The following PCDHGA10 variants were observed in gnomAD, a reference collection of about 807,000 sequenced individuals.
PCDHGA10 encodes protocadherin gamma-A10.
PCDHGA10 carries 42 observed loss-of-function variants against 59.5 expected under a neutral mutation model. The observed-to-expected ratio is 0.71, with a 90% CI of 0.55 to 0.91. The LOEUF (loss-of-function observed/expected upper bound fraction) is 0.91. Ranked by LOEUF, PCDHGA10 falls within the 40% of genes least tolerant of loss-of-function variation. The pLI is 0.00. For missense variants in PCDHGA10, 1,111 were observed against 1,198.2 expected (o/e 0.93, Z 1.07); for synonymous variants, 511 against 517.2 (o/e 0.99, Z 0.16).
At chr5:141,417,001 A>G (rs1590037654) in intron 1 of PCDHGA10, 1 of 150,924 alleles carries the variant, frequency 6.6e-6, no homozygotes, top group African/African-American at 2.5e-5. Context: ...TTCATCTCAA[A>G]TAATTCTATT....
chr5:141,443,226 A>T (rs2098374954), intron 1 of PCDHGA10, among the ~76,000 whole-genome samples: 1 of 152,042 alleles, frequency 6.6e-6, no homozygotes, highest in Non-Finnish European at 1.5e-5. Flanking sequence ...CGCATCTATA[A>T]TCTTAGCACT....
At chr5:141,423,470 A>C (rs904433654) in intron 1 of PCDHGA10, 54 of 1,613,884 alleles carry the variant, frequency 3.3e-5, no homozygotes, top group Non-Finnish European at 4.3e-5. Context: ...GACGGGGTAC[A>C]GGCTTTCCTG....
Position 141,487,315 on chromosome 5 carries a change from G to C in PCDHGA10, c.2437-7492G>C, listed in dbSNP as rs568326280. On this transcript the variant is annotated intron_variant, in intron 1 of 3. Transcript: ENST00000398610. The surrounding 1 kb of genome is among the most constrained non-coding windows in gnomAD (Gnocchi z 5.0). ...GCTCATTCGTGGCACTACTCTCTAA[G>C]TGTCTTCGTGGGGCAGCCTGTGGAG... 6.2e-7 allele frequency: 1 copy of C among 1,614,166 alleles called. No individual in the cohort carries two copies. Among genetic ancestry groups the C allele is most frequent in the Admixed American group, 1.7e-5 (1 of 60,028 alleles).
intron 1 of PCDHGA10, among the ~76,000 whole-genome samples, chr5:141,452,476 C>T (rs968627914): frequency 6.6e-6 from 1 of 152,216 alleles, no homozygotes; most frequent in Admixed American, 6.5e-5. Context: ...AGGAAAAACA[C>T]ACATAAACAC....
At position 141,477,811 on chromosome 5, in the gene PCDHGA10, C is replaced by T. The variant is rs1211574518; in HGVS notation, c.2437-16996C>T. The T allele has an allele frequency of 6.2e-7, 1 of 1,614,164 alleles. No homozygotes were observed. The highest frequency in any genetic ancestry group is 8.5e-7 in the Non-Finnish European group (1 of 1,180,026). ...TCACTGATCGCAATGACAATGCCCC[C>T]CAGGTCCTATATCCTCGGCCAGGTG... is the stretch of plus-strand genomic sequence containing the variant. On this transcript the variant is annotated intron_variant, in intron 1 of 3. Transcript: ENST00000398610. The surrounding 1 kb of genome is among the most constrained non-coding windows in gnomAD (Gnocchi z 4.9).
At chr5:141,423,495 C>T in intron 1 of PCDHGA10, 1 of 1,613,946 alleles carries the variant, frequency 6.2e-7, no homozygotes, top group African/African-American at 1.3e-5. Context: ...CCTATTCCCA[C>T]GAGGTCTCTC....
At chr5:141,455,899 ATTTATTT>A (rs1441561749) in intron 1 of PCDHGA10, among the ~76,000 whole-genome samples, 5 of 148,258 alleles carry the variant, frequency 3.4e-5, no homozygotes, top group African/African-American at 1.2e-4. Context: ...TTATTTATTT[ATTTATTT>A]ATTTATTTTG....
At chr5:141,488,198 G>C (rs1007623840) in intron 1 of PCDHGA10, among the ~76,000 whole-genome samples, 1 of 152,166 alleles carries the variant, frequency 6.6e-6, no homozygotes, top group Non-Finnish European at 1.5e-5. Flanking sequence ...CTGGGTCTTA[G>C]GACTCATATC....
intron 1 of PCDHGA10, among the ~76,000 whole-genome samples, chr5:141,454,980 T>A (rs1049733405): frequency 9.3e-5 from 14 of 151,310 alleles, no homozygotes; most frequent in African/African-American, 2.4e-4. Context: ...GCTAATTTTT[T>A]AAAAAATATT....
In PCDHGA10 at chr5:141,422,020, G is replaced by T. The variant is rs374562798; in HGVS notation, c.2436+6409G>T. The T allele has an allele frequency of 1.3e-5, 21 of 1,610,932 alleles. No individual in the cohort carries two copies. The East Asian group carries it at 3.8e-4, about 29-fold the overall frequency. On this transcript the variant is annotated intron_variant, in intron 1 of 3. Transcript: ENST00000398610. ...CAGCTCCGGAACTCGGGTGCTGATG[G>T]TTAATGCAACGGATCCAGACGAGGG...
intron 1 of PCDHGA10, among the ~76,000 whole-genome samples, chr5:141,425,103 A>G (rs894147422): frequency 1.3e-5 from 2 of 152,202 alleles, no homozygotes; most frequent in Non-Finnish European, 2.9e-5. Flanking sequence ...CTTCCAACAG[A>G]TGCCTACATT....
chr5:141,433,305 C>A, intron 1 of PCDHGA10: 1 of 931,030 alleles, frequency 1.1e-6, no homozygotes, highest in Non-Finnish European at 1.6e-6. Context: ...GCAATTATCC[C>A]ACCTTTGCCT....
chr5:141,491,938 C>A lies in PCDHGA10; in HGVS notation c.2437-2869C>A, dbSNP rs1207647899. Reference sequence around the variant, plus strand: ...TGTGGGCGAGGGGAGGTGGGACCGACCCCCACCCCTACACTCAAAAAAGGC... The same window carrying A: ...TGTGGGCGAGGGGAGGTGGGACCGAACCCCACCCCTACACTCAAAAAAGGC... On this transcript the variant is annotated intron_variant, in intron 1 of 3. Transcript: ENST00000398610. This position sits in a 1 kb window ranked among gnomAD's most constrained non-coding sequence, Gnocchi z 6.9. 1.7e-6 allele frequency: 2 copies of A among 1,199,072 alleles called. No homozygotes were observed. The highest frequency in any genetic ancestry group is 3.1e-5 in the Admixed American group (1 of 32,246). The allele number at this position is 1,199,072 out of a possible 1,614,324, so 74.3% of individuals were successfully genotyped here. A position where few individuals can be genotyped will look rare whatever the true frequency, so the allele number is the denominator to read the frequency against.
chr5:141,426,173 G>A (rs2096919271), intron 1 of PCDHGA10: 1 of 155,348 alleles, frequency 6.4e-6, no homozygotes, highest in African/African-American at 2.4e-5. Flanking sequence ...TACGGATTGG[G>A]GTGCCCTCAA....
Position 141,489,784 on chromosome 5 carries a change from G to A in PCDHGA10, c.2437-5023G>A. 1 of 1,614,218 alleles carries A rather than the reference G, an allele frequency of 6.2e-7. No individual in the cohort carries two copies. Among genetic ancestry groups the A allele is most frequent in the Non-Finnish European group, 8.5e-7 (1 of 1,180,010 alleles). On this transcript the variant is annotated intron_variant, in intron 1 of 3. Transcript: ENST00000398610. This position sits in a 1 kb window ranked among gnomAD's most constrained non-coding sequence, Gnocchi z 4.5. ...CCCCAACAGCCACTTCTCTCTGAAT[G>A]TGAAGACCCTAAAAGATGGGAAGCC...
At chr5:141,509,599 A>G (rs964564148) in intron 3 of PCDHGA10, among the ~76,000 whole-genome samples, 6 of 152,158 alleles carry the variant, frequency 3.9e-5, no homozygotes, top group African/African-American at 1.4e-4. Context: ...CAATTCCGAG[A>G]GGCTGCATTC....
At chr5:141,495,073 C>T (rs1464039604) in intron 2 of PCDHGA10, among the ~76,000 whole-genome samples, 1 of 152,186 alleles carries the variant, frequency 6.6e-6, no homozygotes, top group Non-Finnish European at 1.5e-5. Flanking sequence ...GCTCAATTCA[C>T]ATGCTTGCCC....
At chr5:141,508,906 G>A (rs2099872897) in intron 3 of PCDHGA10, among the ~76,000 whole-genome samples, 1 of 152,092 alleles carries the variant, frequency 6.6e-6, no homozygotes, top group Non-Finnish European at 1.5e-5. Context: ...CGGGGCGGTG[G>A]CGGATCTGGC....
intron 1 of PCDHGA10, among the ~76,000 whole-genome samples, chr5:141,449,616 G>A (rs1279953840): frequency 1.6e-4 from 24 of 146,738 alleles, no homozygotes; most frequent in Non-Finnish European, 2.3e-4. Flanking sequence ...AAGTAAAAAA[G>A]TTTTTTAAAA....
Sources: allele counts gnomAD v4.1 joint callset (sites outside exome capture counted in the v4.1 genomes callset), GRCh38; gene constraint gnomAD v4.1.1; non-coding constraint Gnocchi (gnomAD v3.1); transcripts MANE v1.5; gene names NCBI Gene and HGNC (gene_info 2026-07-23, HGNC 2026-07-21).